The following PKD2L1 variants were observed in gnomAD, a reference collection of about 807,000 sequenced individuals.
PKD2L1 encodes polycystin 2 like 1, transient receptor potential cation channel.
PKD2L1 carries 77 observed loss-of-function variants against 93.0 expected under a neutral mutation model. The ratio of observed to expected loss-of-function variants is 0.83; its 90% CI spans 0.69 to 1.00. The LOEUF is 1.00. PKD2L1 is among the 50% of genes least tolerant of loss of function. PKD2L1 has a pLI of 0.00. For missense variants in PKD2L1, 977 were observed against 990.9 expected (o/e 0.99, Z 0.19); for synonymous variants, 390 against 388.0 (o/e 1.01, Z -0.06).
intron 4 of PKD2L1, 120 bp from the exon 5 acceptor site, chr10:100,297,726 G>C (rs1416372119): frequency 1.6e-6 from 1 of 619,750 alleles, no homozygotes; most frequent in African/African-American, 1.8e-5. Context: ...GTGTGTGTGT[G>C]TGTGTGTGTG....
chr10:100,296,126 A>G lies in PKD2L1; in HGVS notation c.1352T>C (p.Ile451Thr). The stretch of plus-strand genomic sequence containing the variant: ...GGGTGTGGGAATCCCAGGTACCTTG[A>G]TCCAGGCGAAGAAGAGGTTGACAGC... ...MNAVNLFFAW[I>T]KIFKYISFNK... Residue 451 changes from isoleucine (I) to threonine (T), a missense_variant, in exon 7 of 16, where the codon ATC (isoleucine) becomes ACC (threonine). Coordinates refer to ENST00000318222, the MANE Select transcript of PKD2L1 (RefSeq NM_016112.3). 6.2e-7 allele frequency: 1 copy of G among 1,608,456 alleles called. No homozygotes were observed. The highest frequency in any genetic ancestry group is 8.5e-7 in the Non-Finnish European group (1 of 1,177,616).
intron 2 of PKD2L1, among the ~76,000 whole-genome samples, chr10:100,315,110 G>A (rs1386609549): frequency 1.4e-5 from 2 of 138,076 alleles, no homozygotes; most frequent in South Asian, 2.3e-4. Flanking sequence ...GGAAGGGAAG[G>A]GAAGGGAAGA....
At chr10:100,318,503 T>C (rs922318547) in intron 2 of PKD2L1, among the ~76,000 whole-genome samples, 6 of 151,732 alleles carry the variant, frequency 4.0e-5, no homozygotes, top group South Asian at 2.1e-4. Flanking sequence ...ATCCAGAGTA[T>C]TGAGATGTTT....
intron 2 of PKD2L1, among the ~76,000 whole-genome samples, chr10:100,325,086 A>G (rs1435219289): frequency 6.6e-6 from 1 of 152,082 alleles, no homozygotes; most frequent in Non-Finnish European, 1.5e-5. Flanking sequence ...TTTTTGCATT[A>G]TCCGTCTCCC....
chr10:100,294,409 T>G (rs915184099), intron 9 of PKD2L1, 126 bp downstream of exon 9: 1 of 991,074 alleles, frequency 1.0e-6, no homozygotes, highest in Non-Finnish European at 1.5e-6. Flanking sequence ...GATCCAGACA[T>G]CGGCCCCCCC....
In PKD2L1 at chr10:100,289,040, C is replaced by CA; in HGVS notation, c.2266dup (p.Trp756LeufsTer24). ...AGCTGGGGCTGGCTGCGGGTGCTTC[C>CA]AAATAGCTTGTTCCTTCTGTTGGAA... is the stretch of plus-strand genomic sequence containing the variant. On this transcript the variant is annotated frameshift_variant, in exon 15 of 16. Transcript: ENST00000318222. LOFTEE classifies it high-confidence loss of function. 1 of 1,612,500 alleles carries CA rather than the reference C, an allele frequency of 6.2e-7. No individual in the cohort carries two copies. Among genetic ancestry groups the CA allele is most frequent in the South Asian group, 1.1e-5 (1 of 90,934 alleles).
intron 11 of PKD2L1, 77 bp downstream of exon 11, chr10:100,292,871 T>G (rs1174983569): frequency 4.1e-6 from 6 of 1,480,818 alleles, no homozygotes; most frequent in South Asian, 2.7e-5. Context: ...CAAAGGCTTA[T>G]AAGCAAATGA....
intron 2 of PKD2L1, among the ~76,000 whole-genome samples, chr10:100,306,870 A>AAAAAAAAAAAAAG (rs1848814535): frequency 6.7e-6 from 1 of 150,224 alleles, no homozygotes; most frequent in Admixed American, 6.6e-5. Context: ...AAAAAAAAAA[A>AAAAAAAAAAAAAG]AAAGAAAGAG....
At chr10:100,298,918 C>T in intron 3 of PKD2L1, 103 bp from the exon 4 acceptor site, 1 of 1,029,038 alleles carries the variant, frequency 9.7e-7, no homozygotes, top group East Asian at 2.6e-5. Context: ...TGTCTCCAGT[C>T]TGCTTTTTAA....
chr10:100,291,099 TAG>T lies in PKD2L1; in HGVS notation c.2007+200_2007+201del, dbSNP rs534250310. ...CCCAGAGATTCTGGTTTAATTGGTC[TAG>T]AGTGTGTGTCCTGAGTATGAAGATT... On this transcript the variant is annotated intron_variant, in intron 12 of 15. Transcript: ENST00000318222. Among the ~76,000 whole-genome samples, 25 of 152,350 alleles carry T rather than the reference TAG, an allele frequency of 1.6e-4. No individual in the cohort carries two copies. The South Asian group carries it at 5.0e-3, about 30-fold the overall frequency.
chr10:100,307,654 T>C (rs1476752285), intron 2 of PKD2L1, among the ~76,000 whole-genome samples: 1 of 152,104 alleles, frequency 6.6e-6, no homozygotes, highest in Admixed American at 6.6e-5. Flanking sequence ...AGTGAGACAC[T>C]GCCTCAAAAA....
chr10:100,307,912 G>C (rs756097282), intron 2 of PKD2L1, among the ~76,000 whole-genome samples: 2 of 152,160 alleles, frequency 1.3e-5, no homozygotes, highest in Non-Finnish European at 2.9e-5. Flanking sequence ...ATTTCATAAG[G>C]TGACACTAGA....
chr10:100,302,586 C>T (rs1848707276), intron 2 of PKD2L1, among the ~76,000 whole-genome samples: 1 of 151,574 alleles, frequency 6.6e-6, no homozygotes, highest in Admixed American at 6.6e-5. Flanking sequence ...TGCCTGTAAT[C>T]CCAGCTGCTT....
Position 100,290,382 on chromosome 10 carries a change from C to T in PKD2L1, c.2126+19G>A. ...GAAGTGTTGCCAGCCCTGAACCAGCCTTTCTTGGCTGCACGTACATGTAGA... is the reference window on the plus strand; with the variant it reads ...GAAGTGTTGCCAGCCCTGAACCAGCTTTTCTTGGCTGCACGTACATGTAGA... On this transcript the variant is annotated intron_variant, in intron 13 of 15. Transcript: ENST00000318222. 1.3e-6 allele frequency: 2 copies of T among 1,538,354 alleles called. No individual in the cohort carries two copies. The highest frequency in any genetic ancestry group is 1.8e-6 in the Non-Finnish European group (2 of 1,113,484).
At chr10:100,300,093 T>C (rs906531271) in intron 2 of PKD2L1, among the ~76,000 whole-genome samples, 5 of 152,244 alleles carry the variant, frequency 3.3e-5, no homozygotes, top group Middle Eastern at 3.2e-3. Context: ...TCCTTTTGTC[T>C]GCTTCCAAAA....
intron 2 of PKD2L1, among the ~76,000 whole-genome samples, chr10:100,323,470 T>C (rs1034056161): frequency 1.3e-5 from 2 of 152,196 alleles, no homozygotes; most frequent in South Asian, 2.1e-4. Context: ...GGTTTTGCCA[T>C]GTTGGCCAGG....
At chr10:100,303,097 T>C (rs1848720061) in intron 2 of PKD2L1, among the ~76,000 whole-genome samples, 2 of 152,108 alleles carry the variant, frequency 1.3e-5, no homozygotes, top group South Asian at 4.1e-4. Flanking sequence ...AACATGTTCA[T>C]ATATGGGAAA....
chr10:100,324,412 C>T (rs1849331446), intron 2 of PKD2L1, among the ~76,000 whole-genome samples: 4 of 152,170 alleles, frequency 2.6e-5, no homozygotes. Context: ...CCTAAAAATC[C>T]TCTGTGCTTT....
At chr10:100,297,302 GTT>G in intron 5 of PKD2L1, 78 bp downstream of exon 5, 1 of 1,542,620 alleles carries the variant, frequency 6.5e-7, no homozygotes, top group Non-Finnish European at 9.0e-7. Context: ...CAGGGTAGGA[GTT>G]TAGGGAAGGG....
Sources: allele counts gnomAD v4.1 joint callset (sites outside exome capture counted in the v4.1 genomes callset), GRCh38; gene constraint gnomAD v4.1.1; transcripts MANE v1.5; gene names NCBI Gene and HGNC (gene_info 2026-07-23, HGNC 2026-07-21).